MACF1: variants seen among roughly 807,000 people sequenced by gnomAD.
MACF1 encodes microtubule-actin cross-linking factor 1.
Under a neutral mutation model 854.8 loss-of-function variants are expected in MACF1, and 193 were observed. That is an observed-to-expected ratio of 0.23 (90% CI 0.20 to 0.25). The LOEUF (loss-of-function observed/expected upper bound fraction) is 0.25. Among genes scored for constraint, MACF1 ranks in the 10% least tolerant of loss-of-function variants. MACF1 has a pLI of 1.00. For synonymous variants in MACF1, 3,185 were observed against 3,226.7 expected (o/e 0.99, Z 0.44); for missense variants, 7,722 against 8,929.1 (o/e 0.86, Z 5.45).
chr1:39,220,304 C>G (rs1052831494), intron 1 of MACF1, among the ~76,000 whole-genome samples: 14 of 151,852 alleles, frequency 9.2e-5, no homozygotes, highest in Non-Finnish European at 1.5e-4. Flanking sequence ...TCCTGAGTAG[C>G]TGGGATTACA....
At chr1:39,094,540 G>A (rs938333979) in intron 2 of MACF1, among the ~76,000 whole-genome samples, 5 of 152,080 alleles carry the variant, frequency 3.3e-5, no homozygotes, top group African/African-American at 9.7e-5. Context: ...TCAACACGGA[G>A]AAACCCTGTC....
intron 2 of MACF1, among the ~76,000 whole-genome samples, chr1:39,107,175 G>T (rs1642266079): frequency 6.6e-6 from 1 of 152,162 alleles, no homozygotes; most frequent in Non-Finnish European, 1.5e-5. Context: ...CAAACCAGCA[G>T]AATTAAGACC....
Position 39,335,933 on chromosome 1 carries a change from G to A in MACF1, c.9345G>A (p.Gln3115=). The A allele has an allele frequency of 5.0e-6, 8 of 1,614,060 alleles. 1 individual carries two copies. Among genetic ancestry groups the A allele is most frequent in the Non-Finnish European group, 6.8e-6 (8 of 1,180,012 alleles). The change falls in exon 37 of 101, where the codon CAG becomes CAA. Residue 3115 remains glutamine (Q), a synonymous_variant. Coordinates refer to ENST00000564288, the MANE Select transcript of MACF1 (RefSeq NM_001394062.1). The part of the protein sequence containing the change: ...MTPRPEGLHY[Q]ESDGKAQVTG... ...CAAGACCTGAAGGATTGCACTACCA[G>A]GAATCAGATGGAAAAGCCCAAGTGA...
chr1:39,455,596 A>T (rs1186061034), intron 89 of MACF1, among the ~76,000 whole-genome samples: 2 of 152,086 alleles, frequency 1.3e-5, no homozygotes, highest in African/African-American at 4.8e-5. Flanking sequence ...ATTTGCCCAC[A>T]CTCAAGGGAG....
At chr1:39,258,073 T>C (rs1571229107) in intron 6 of MACF1, 45 bp downstream of exon 6, 11 of 1,520,528 alleles carry the variant, frequency 7.2e-6, no homozygotes, top group Middle Eastern at 1.7e-4. Context: ...TGTTTGGACA[T>C]GGCCTAGAAA....
At chr1:39,314,238 G>A (rs1357699606) in intron 26 of MACF1, among the ~76,000 whole-genome samples, 2 of 152,000 alleles carry the variant, frequency 1.3e-5, no homozygotes, top group East Asian at 3.9e-4. Flanking sequence ...GTAAAACCTC[G>A]TCTCTACTAA....
intron 2 of MACF1, among the ~76,000 whole-genome samples, chr1:39,110,338 G>C (rs778763664): frequency 1.4e-5 from 2 of 144,626 alleles, no homozygotes; most frequent in African/African-American, 2.5e-5. Flanking sequence ...TCAGGCTCAA[G>C]TGATCTTCCT....
chr1:39,473,494 T>A (rs1245115769), intron 97 of MACF1, among the ~76,000 whole-genome samples: 1 of 152,222 alleles, frequency 6.6e-6, no homozygotes, highest in African/African-American at 2.4e-5. Flanking sequence ...GTGGTTTCAG[T>A]CATGAAAATT....
rs1642215755 is a variant in MACF1, at chr1:39,105,803, G to C, written c.220+21365G>C. 19 of 974,658 alleles carry C rather than the reference G, an allele frequency of 1.9e-5. No individual in the cohort carries two copies. The South Asian group carries it at 8.2e-4, about 42-fold the overall frequency. The allele number at this position is 974,658 out of a possible 1,614,324, so 60.4% of individuals were successfully genotyped here. ...CCGGTCGGCTCGGCGGCTGCAGGTG[G>C]GGCGGCCGGGCGGGGTCGCACCCAC... On this transcript the variant is annotated intron_variant, in intron 2 of 93. Coordinates refer to the MACF1 transcript ENST00000361689. This position sits in a 1 kb window ranked among gnomAD's most constrained non-coding sequence, Gnocchi z 5.9.
At chr1:39,122,025 G>T (rs1175138955) in intron 2 of MACF1, among the ~76,000 whole-genome samples, 2 of 152,130 alleles carry the variant, frequency 1.3e-5, no homozygotes. Context: ...AACTACTCAA[G>T]TAGAGTTACA....
rs1307673457 is a variant in MACF1 at position 39,444,649 on chromosome 1, CCTTTT to C, written c.19432-9_19432-5del. 2 of 1,601,590 alleles carry C rather than the reference CCTTTT, an allele frequency of 1.2e-6. No individual in the cohort carries two copies. Among genetic ancestry groups the C allele is most frequent in the African/African-American group, 2.7e-5 (2 of 74,536 alleles). Reference sequence around the variant, plus strand: ...ATTCGTAGAATTGATATCTTTCCTGCCTTTTCTTGTAGGAACTCTATTCCCAGCTG... The same window carrying C: ...ATTCGTAGAATTGATATCTTTCCTGCCTTGTAGGAACTCTATTCCCAGCTG... On this transcript the variant is annotated splice_region_variant and splice_polypyrimidine_tract_variant and intron_variant, in intron 79 of 100. Coordinates refer to ENST00000564288, the MANE Select transcript of MACF1 (RefSeq NM_001394062.1).
At chr1:39,245,597 A>G (rs747401521) in intron 2 of MACF1, among the ~76,000 whole-genome samples, 2 of 152,108 alleles carry the variant, frequency 1.3e-5, no homozygotes, top group Non-Finnish European at 2.9e-5. Context: ...TTATTTAAAT[A>G]TTTATTCAGG....
chr1:39,090,430 TG>T (rs1040975290), intron 2 of MACF1, among the ~76,000 whole-genome samples: 2 of 152,192 alleles, frequency 1.3e-5, no homozygotes, highest in Non-Finnish European at 2.9e-5. Flanking sequence ...ACATTAGCTG[TG>T]GGCTGGAACA....
At chr1:39,366,822 T>G (rs1042186503) in intron 49 of MACF1, among the ~76,000 whole-genome samples, 5 of 151,582 alleles carry the variant, frequency 3.3e-5, no homozygotes, top group Admixed American at 3.3e-4. Context: ...TTTTGTGTTT[T>G]TAGTAGAGAC....
chr1:39,326,137 G>A (rs1421919295), intron 35 of MACF1, among the ~76,000 whole-genome samples: 2 of 152,156 alleles, frequency 1.3e-5, no homozygotes, highest in Non-Finnish European at 2.9e-5. Flanking sequence ...ACTTAATAGA[G>A]AGGACTGATA....
chr1:39,348,667 G>A (rs1165522412), intron 41 of MACF1, among the ~76,000 whole-genome samples: 4 of 152,144 alleles, frequency 2.6e-5, no homozygotes, highest in African/African-American at 9.7e-5. Context: ...TGACTAAAGC[G>A]CCATCAGAAG....
chr1:39,144,312 C>T (rs1326329797), intron 2 of MACF1, among the ~76,000 whole-genome samples: 1 of 151,992 alleles, frequency 6.6e-6, no homozygotes, highest in East Asian at 1.9e-4. Flanking sequence ...AACTCCTGAC[C>T]TCAGGTGATC....
intron 2 of MACF1, among the ~76,000 whole-genome samples, chr1:39,185,775 TC>T (rs899212430): frequency 6.6e-5 from 10 of 152,284 alleles, no homozygotes; most frequent in African/African-American, 1.9e-4. Flanking sequence ...TGCTGGACTT[TC>T]CGGGGGCTTA....
chr1:39,459,777 C>A, intron 91 of MACF1: 1 of 1,282,792 alleles, frequency 7.8e-7, no homozygotes. Flanking sequence ...TAAAACAAGC[C>A]TCTAATATCT....
Sources: gnomAD v4.1 joint callset for allele counts (sites outside exome capture counted in the v4.1 genomes callset) on GRCh38, gnomAD v4.1.1 for gene constraint, Gnocchi (gnomAD v3.1) non-coding constraint, MANE v1.5 for transcripts, NCBI Gene and HGNC (gene_info 2026-07-23, HGNC 2026-07-21) for gene names.